LETMD1: variants seen among roughly 807,000 people sequenced by gnomAD.
The protein encoded by LETMD1 is LETM1 domain-containing protein 1.
In LETMD1, 30 loss-of-function variants were observed where a neutral mutation model predicts 43.9. That is an observed-to-expected ratio of 0.68 (90% confidence interval 0.51 to 0.93). The LOEUF (loss-of-function observed/expected upper bound fraction) is 0.93, where lower values mean the gene tolerates loss of function less well. LETMD1 is among the 40% of genes least tolerant of loss of function. The probability of loss-of-function intolerance (pLI) is 0.00; values close to 1 mark genes in which losing one functional copy is unlikely to be tolerated. For missense variants in LETMD1, 413 were observed against 447.7 expected (o/e 0.92, Z 0.70); for synonymous variants, 176 against 163.1 (o/e 1.08, Z -0.60).
chr12:51,048,786 A>T, intron 1 of LETMD1: 1 of 586,798 alleles, frequency 1.7e-6, no homozygotes, highest in Non-Finnish European at 3.0e-6. Context: ...CTGCAGTTCA[A>T]ATTGTCCCAC....
intron 8 of LETMD1, 184 bp downstream of exon 8, chr12:51,058,312 G>A (rs989680155): frequency 1.6e-6 from 1 of 610,204 alleles, no homozygotes. Context: ...CATAAGACAA[G>A]AGGGAGTAGT....
Position 51,059,461 on chromosome 12 carries a change from G to A in LETMD1, c.*30G>A, listed in dbSNP as rs577663721. On this transcript the variant is annotated 3_prime_UTR_variant, in exon 9 of 9. Transcript: ENST00000262055. ...ACCATGGAGCGGATGGCATTGTCCT[G>A]CAGTCGTATAGTATAGCAGTGCAGG... 1.8e-5 allele frequency: 29 copies of A among 1,597,018 alleles called. No individual in the cohort carries two copies. The Admixed American group carries it at 3.8e-4, about 21-fold the overall frequency.
At position 51,049,204 on chromosome 12, in the gene LETMD1, T is replaced by C. The variant is rs1267111060; in HGVS notation, c.274+19T>C. ...ATGAAAGGTAAAAACGAAACTACAA[T>C]AGAAATTCCGGAATCAGCTCTTGGG... On this transcript the variant is annotated intron_variant, in intron 2 of 8. Coordinates refer to ENST00000262055, the MANE Select transcript of LETMD1 (RefSeq NM_015416.5). 11 of 1,600,782 alleles carry C rather than the reference T, an allele frequency of 6.9e-6. No individual in the cohort carries two copies. The highest frequency in any genetic ancestry group is 8.5e-6 in the Non-Finnish European group (10 of 1,171,646).
At position 51,049,033 on chromosome 12, in the gene LETMD1, G is replaced by A; in HGVS notation, c.123-1G>A. The A allele has an allele frequency of 6.2e-7, 1 of 1,613,622 alleles. No individual in the cohort carries two copies. Among genetic ancestry groups the A allele is most frequent in the Non-Finnish European group, 8.5e-7 (1 of 1,179,796 alleles). On this transcript the variant is annotated splice_acceptor_variant, in intron 1 of 8. Transcript: ENST00000262055. LOFTEE classifies it high-confidence loss of function. ...GATAGTCTCTTTGATCTTCCTTGTA[G>A]GTCTTCAAAGCTTCACCTTTCTCCA...
rs15756 is a variant in LETMD1 at position 51,059,854 on chromosome 12, G to T, written c.*423G>T. On this transcript the variant is annotated 3_prime_UTR_variant, in exon 9 of 9. Transcript: ENST00000262055. The stretch of plus-strand genomic sequence containing the variant: ...TTTTGTTGTTGCTGTTAGAAAATTT[G>T]TGGCTGGTGAAAACAGCACTCCTTT... The T allele has an allele frequency of 0.44, 75,838 of 172,876 alleles. 18,673 individuals are homozygous for T. The highest frequency in any genetic ancestry group is 0.56 in the Non-Finnish European group (45,077 of 80,070). 10.7% of individuals were successfully genotyped at this position (172,876 alleles called of 1,614,324 possible).
intron 2 of LETMD1, among the ~76,000 whole-genome samples, chr12:51,050,918 C>T (rs958062617): frequency 1.3e-5 from 2 of 151,248 alleles, no homozygotes; most frequent in African/African-American, 2.4e-5. Flanking sequence ...GAGGCTGAGG[C>T]AGGAGAATCT....
chr12:51,049,592 G>T (rs911233494), intron 2 of LETMD1, among the ~76,000 whole-genome samples: 1 of 152,204 alleles, frequency 6.6e-6, no homozygotes, highest in African/African-American at 2.4e-5. Context: ...GTAGTATGTT[G>T]TAGTGGCAAT....
chr12:51,052,791 AAT>A (rs1213339670), intron 3 of LETMD1, among the ~76,000 whole-genome samples: 2 of 150,842 alleles, frequency 1.3e-5, no homozygotes, highest in Non-Finnish European at 3.0e-5. Context: ...AAAAAAAAAT[AAT>A]AATAAAATGA....
At chr12:51,054,496 T>C (rs904613912) in intron 4 of LETMD1, among the ~76,000 whole-genome samples, 1 of 152,160 alleles carries the variant, frequency 6.6e-6, no homozygotes, top group African/African-American at 2.4e-5. Flanking sequence ...CTGGCAGGGA[T>C]GGCTACACGG....
chr12:51,053,153 A>C (rs11831946), intron 3 of LETMD1, among the ~76,000 whole-genome samples: 24,611 of 151,990 alleles, frequency 0.16, 2,205 homozygotes, highest in South Asian at 0.26. Flanking sequence ...GGCAGCATGA[A>C]AGTAGTATTT....
chr12:51,051,938 G>A (rs1306422523), intron 2 of LETMD1, 154 bp from the exon 3 acceptor site: 1 of 559,944 alleles, frequency 1.8e-6, no homozygotes, highest in Non-Finnish European at 3.0e-6. Flanking sequence ...GATTCGAGTT[G>A]ACCTCAGGAG....
downstream of LETMD1, chr12:51,063,653 A>C: frequency 1.7e-4 from 141 of 849,100 alleles, no homozygotes; most frequent in Non-Finnish European, 2.2e-4. Context: ...ACATGGGAGC[A>C]GCAGCTGCTT....
At chr12:51,057,248 AAAAAT>A (rs1218538105) in intron 7 of LETMD1, among the ~76,000 whole-genome samples, 2 of 151,924 alleles carry the variant, frequency 1.3e-5, no homozygotes, top group Non-Finnish European at 2.9e-5. Context: ...AAAAAACCCA[AAAAAT>A]AAAATAAAAT....
At chr12:51,065,395 A>C (rs1592741729), downstream of LETMD1, among the ~76,000 whole-genome samples, 4 of 152,316 alleles carry the variant, frequency 2.6e-5, no homozygotes, top group South Asian at 8.3e-4. Context: ...ATAAACCAAA[A>C]ATAAAAGGAA....
At chr12:51,067,589 T>C in the LETMD1 span, 1 of 1,347,622 alleles carries the variant, frequency 7.4e-7, no homozygotes, top group Non-Finnish European at 1.0e-6. This position sits in a 1 kb window ranked among gnomAD's most constrained non-coding sequence, Gnocchi z 4.1. Flanking sequence ...CACCCCTGAA[T>C]GGGCCTCCCA....
intron 1 of LETMD1, 199 bp downstream of exon 1, chr12:51,048,677 G>T: frequency 1.5e-6 from 1 of 675,740 alleles, no homozygotes; most frequent in East Asian, 2.8e-5. Context: ...GCCCCATATT[G>T]TCTGGTTTCC....
chr12:51,057,060 G>A (rs571053660), intron 7 of LETMD1: 11 of 152,626 alleles, frequency 7.2e-5, no homozygotes, highest in Admixed American at 5.9e-4. Flanking sequence ...GAACCACTGT[G>A]CCCGGCCTTT....
At chr12:51,053,292 A>G (rs769797381) in intron 3 of LETMD1, among the ~76,000 whole-genome samples, 17 of 152,350 alleles carry the variant, frequency 1.1e-4, no homozygotes, top group Non-Finnish European at 2.1e-4. Context: ...TTGGGATACA[A>G]AAGTAAATAA....
chr12:51,067,651 T>C, the LETMD1 span: 1 of 1,607,104 alleles, frequency 6.2e-7, no homozygotes, highest in Non-Finnish European at 8.5e-7. The surrounding 1 kb of genome is among the most constrained non-coding windows in gnomAD (Gnocchi z 4.1). Context: ...AGATATACTA[T>C]CTCAGGCCAA....
Sources: gnomAD v4.1 joint callset for allele counts (sites outside exome capture counted in the v4.1 genomes callset) on GRCh38, gnomAD v4.1.1 for gene constraint, Gnocchi (gnomAD v3.1) non-coding constraint, MANE v1.5 for transcripts, NCBI Gene and HGNC (gene_info 2026-07-23, HGNC 2026-07-21) for gene names.